The following BCO1 variants were observed in gnomAD, a reference collection of about 807,000 sequenced individuals.
The protein encoded by BCO1 is beta,beta-carotene 15,15'-dioxygenase.
A neutral mutation model predicts 56.3 loss-of-function variants in BCO1; 54 were observed. The observed-to-expected ratio is 0.96, with a 90% CI of 0.77 to 1.20. The LOEUF (loss-of-function observed/expected upper bound fraction) is 1.20. BCO1 is among the 50% of genes most tolerant of loss of function. The pLI is 0.00. For missense variants in BCO1, 801 were observed against 690.9 expected, an observed-to-expected ratio of 1.16 and a Z score of -1.79; for synonymous variants, 318 against 266.1, an observed-to-expected ratio of 1.20 and a Z score of -1.90.
chr16:81,260,329 G>A (rs1323172109), intron 3 of BCO1, among the ~76,000 whole-genome samples: 2 of 151,388 alleles, frequency 1.3e-5, no homozygotes, highest in Non-Finnish European at 1.5e-5. Context: ...AAAAAGGAAG[G>A]TGTAGAAAGA....
chr16:81,281,378 G>A (rs910092991), intron 8 of BCO1, among the ~76,000 whole-genome samples: 1 of 152,144 alleles, frequency 6.6e-6, no homozygotes, highest in Non-Finnish European at 1.5e-5. Flanking sequence ...CCCAGGAGGT[G>A]GAGATTGCAG....
intron 9 of BCO1, 133 bp downstream of exon 9, chr16:81,285,767 T>C: frequency 2.7e-6 from 2 of 743,900 alleles, no homozygotes; most frequent in South Asian, 1.5e-5. Flanking sequence ...AAAATAAATT[T>C]GAAGTAAGGA....
chr16:81,282,735 A>G (rs533485632), intron 8 of BCO1, among the ~76,000 whole-genome samples: 182 of 152,162 alleles, frequency 1.2e-3, no homozygotes, highest in African/African-American at 4.2e-3. Flanking sequence ...CACACTAAAA[A>G]GTGTAACAAT....
intron 8 of BCO1, among the ~76,000 whole-genome samples, chr16:81,282,637 A>G (rs1323688777): frequency 6.7e-6 from 1 of 149,604 alleles, no homozygotes; most frequent in Non-Finnish European, 1.5e-5. Context: ...GAAGGCATCA[A>G]CCCCCAACCC....
intron 2 of BCO1, among the ~76,000 whole-genome samples, chr16:81,248,405 C>CAAAAAAAAAAAAAAAAAAAAAAAAAA (rs372084002): frequency 3.9e-5 from 4 of 102,796 alleles, no homozygotes; most frequent in African/African-American, 1.7e-4. Context: ...CTCCCTCTCA[C>CAAAAAAAAAAAAAAAAAAAAAAAAAA]AAAAAAAAAA....
intron 3 of BCO1, 121 bp downstream of exon 3, chr16:81,259,926 G>A (rs556759024): frequency 2.4e-6 from 3 of 1,246,718 alleles, no homozygotes; most frequent in Non-Finnish European, 3.5e-6. Flanking sequence ...CCACATGACT[G>A]CCCTTTAACC....
intron 2 of BCO1, among the ~76,000 whole-genome samples, chr16:81,247,907 C>A (rs923352429): frequency 1.3e-5 from 2 of 152,124 alleles, no homozygotes; most frequent in Non-Finnish European, 1.5e-5. Flanking sequence ...TGAATCCCAG[C>A]TCCACCATCC....
In BCO1 at chr16:81,262,285, T is replaced by C; in HGVS notation, c.471+2T>C. On this transcript the variant is annotated splice_donor_variant, in intron 4 of 10. Transcript: ENST00000258168. LOFTEE classifies it high-confidence loss of function. ...CAGACTCTGGAAACCCTGGAGAAGG[T>C]ATCAACACATATGTAACCAGCATCA... 6.2e-7 allele frequency: 1 copy of C among 1,611,698 alleles called. No individual in the cohort carries two copies. The highest frequency in any genetic ancestry group is 1.1e-5 in the South Asian group (1 of 91,016).
chr16:81,278,898 C>A (rs537782968), intron 7 of BCO1, among the ~76,000 whole-genome samples: 1 of 151,718 alleles, frequency 6.6e-6, no homozygotes, highest in African/African-American at 2.4e-5. Context: ...AGGACCCTTG[C>A]GGTTCAGCTG....
chr16:81,259,528 C>A (rs191549673), intron 2 of BCO1, 148 bp from the exon 3 acceptor site: 1 of 570,560 alleles, frequency 1.8e-6, no homozygotes, highest in Non-Finnish European at 2.8e-6. Context: ...ATTTAAAATG[C>A]GAATTGTATC....
At position 81,246,003 on chromosome 16, in the gene BCO1, C is replaced by G. The variant is rs569854363; in HGVS notation, c.193+400C>G. On this transcript the variant is annotated intron_variant, in intron 2 of 10. Coordinates refer to ENST00000258168, the MANE Select transcript of BCO1 (RefSeq NM_017429.3). ...TCAGCCTCCTGAGTAGCTGGGATTA[C>G]AGGCATGTGACACCATGCCCAGCTA... 5.2e-4 allele frequency among the ~76,000 whole-genome samples: 79 copies of G among 152,094 alleles called. 1 individual carries two copies. The highest frequency in any genetic ancestry group is 1.8e-3 in the African/African-American group (73 of 41,488).
chr16:81,254,484 A>G (rs1413844308), intron 2 of BCO1, among the ~76,000 whole-genome samples: 2 of 149,452 alleles, frequency 1.3e-5, no homozygotes, highest in African/African-American at 4.9e-5. Context: ...GGCTTCCTAC[A>G]TTGCCCAGGC....
At chr16:81,246,211 C>G (rs542905437) in intron 2 of BCO1, among the ~76,000 whole-genome samples, 1 of 152,240 alleles carries the variant, frequency 6.6e-6, no homozygotes, top group Admixed American at 6.5e-5. Flanking sequence ...ACCTCCTCCT[C>G]TGACTGACTT....
At chr16:81,267,706 G>A (rs551611158) in intron 5 of BCO1, among the ~76,000 whole-genome samples, 37 of 152,294 alleles carry the variant, frequency 2.4e-4, no homozygotes, top group African/African-American at 8.9e-4. Context: ...TTTTCAGATT[G>A]TATATGGGGT....
chr16:81,279,527 T>C (rs920743418), intron 7 of BCO1, among the ~76,000 whole-genome samples: 6 of 152,318 alleles, frequency 3.9e-5, no homozygotes, highest in South Asian at 2.1e-4. Context: ...CTAGCACTTA[T>C]TGTGAAGCAG....
chr16:81,271,030 C>CACCGCGCCCGGCCCAG (rs1169884250), intron 7 of BCO1, among the ~76,000 whole-genome samples: 1 of 152,176 alleles, frequency 6.6e-6, no homozygotes, highest in Non-Finnish European at 1.5e-5. Context: ...AGGCGTGAGC[C>CACCGCGCCCGGCCCAG]ACTGCACCTG....
chr16:81,286,315 A>T (rs542314469), intron 9 of BCO1, among the ~76,000 whole-genome samples: 97 of 152,106 alleles, frequency 6.4e-4, no homozygotes, highest in Admixed American at 7.2e-4. Flanking sequence ...TCTTTTTTTT[A>T]AAATGCAAAC....
intron 7 of BCO1, among the ~76,000 whole-genome samples, chr16:81,275,549 C>T (rs1233375257): frequency 6.6e-6 from 1 of 152,238 alleles, no homozygotes; most frequent in African/African-American, 2.4e-5. Context: ...CTGTTCAAGC[C>T]TAAGTTCTGG....
Position 81,244,037 on chromosome 16 carries a change from T to G in BCO1, c.65-1438T>G, listed in dbSNP as rs564246528. ...CCCCAATTCTGCATCCATCACTGGG[T>G]GAGAGCAGCTTCCAGGGGCATTACC... On this transcript the variant is annotated intron_variant, in intron 1 of 10. Coordinates refer to ENST00000258168, the MANE Select transcript of BCO1 (RefSeq NM_017429.3). Among the ~76,000 whole-genome samples the G allele has an allele frequency of 2.0e-5, 3 of 152,296 alleles. No individual in the cohort carries two copies. In the South Asian group the frequency reaches 6.2e-4, roughly 32 times the overall value.
Sources: gnomAD v4.1 joint callset for allele counts (sites outside exome capture counted in the v4.1 genomes callset) on GRCh38, gnomAD v4.1.1 for gene constraint, MANE v1.5 for transcripts, NCBI Gene and HGNC (gene_info 2026-07-23, HGNC 2026-07-21) for gene names.